Variants in RIC1 observed in about 807,000 individuals in gnomAD.
RIC1 encodes RIC1 partner of RAB6A GEF complex, also known as guanine nucleotide exchange factor subunit RIC1.
A neutral mutation model predicts 169.0 loss-of-function variants in RIC1; 88 were observed. The observed-to-expected ratio is 0.52, with a 90% CI of 0.44 to 0.62. The LOEUF (loss-of-function observed/expected upper bound fraction) is 0.62. Among genes scored for constraint, RIC1 ranks in the 20% least tolerant of loss-of-function variants. The pLI is 0.00. For synonymous variants in RIC1, 790 were observed against 601.5 expected (o/e 1.31, Z -4.59); for missense variants, 1,877 against 1,725.5 (o/e 1.09, Z -1.56).
At chr9:5,687,620 C>G (rs1044045010) in intron 2 of RIC1, among the ~76,000 whole-genome samples, 2 of 152,010 alleles carry the variant, frequency 1.3e-5, no homozygotes, top group Non-Finnish European at 2.9e-5. Context: ...TATTTGTGGG[C>G]TTTCCAGAAT....
chr9:5,656,060 C>T (rs1323506670), intron 1 of RIC1, among the ~76,000 whole-genome samples: 1 of 151,908 alleles, frequency 6.6e-6, no homozygotes, highest in African/African-American at 2.4e-5. Flanking sequence ...TTAGTAGAAA[C>T]GGGGTTTCAC....
In RIC1 at chr9:5,732,422, A is replaced by G. The variant is rs1440979230; in HGVS notation, c.755A>G (p.Asp252Gly). Residue 252 changes from aspartate to glycine, a missense_variant, in exon 7 of 26, where the codon GAC becomes GGC. By Grantham distance (94) the Asp-to-Gly change is moderately conservative (BLOSUM62 -1). Transcript: ENST00000414202. ...GGAGTTTGGCCACAAGATGTTGTTGACGGAACGTGTGTAGCAGTAAATAAC... is the reference window on the plus strand; with the variant it reads ...GGAGTTTGGCCACAAGATGTTGTTGGCGGAACGTGTGTAGCAGTAAATAAC... ...LHGVWPQDVV[D>G]GTCVAVNNKY... The G allele has an allele frequency of 6.2e-7, 1 of 1,611,744 alleles. No homozygotes were observed. Among genetic ancestry groups the G allele is most frequent in the Non-Finnish European group, 8.5e-7 (1 of 1,178,930 alleles).
Position 5,763,265 on chromosome 9 carries a change from G to C in RIC1, c.2238G>C (p.Met746Ile). ...ALWLSCGGAG[M>I]KVWLPLFPRD... is the part of the protein sequence containing the mutation. ...GGCTGAGCTGTGGTGGTGCAGGGAT[G>C]AAAGTTTGGCTCCCTCTCTTCCCTA... The change falls in exon 19 of 26, where the codon ATG (methionine) becomes ATC (isoleucine). Residue 746 changes from methionine to isoleucine, a missense_variant. Physicochemically the swap from Met to Ile is conservative, Grantham distance 10 (BLOSUM62 1). Around this residue, in one of 3 missense-constraint regions of RIC1, gnomAD observed 1,104 missense variants for 992.0 expected, o/e 1.11. Transcript: ENST00000414202. This position sits in a 1 kb window ranked among gnomAD's most constrained non-coding sequence, Gnocchi z 5.2. 2.5e-6 allele frequency: 4 copies of C among 1,614,148 alleles called. No homozygotes were observed. Among genetic ancestry groups the C allele is most frequent in the Non-Finnish European group, 3.4e-6 (4 of 1,180,016 alleles).
chr9:5,666,148 C>G (rs535408437), intron 2 of RIC1, among the ~76,000 whole-genome samples: 2 of 152,298 alleles, frequency 1.3e-5, no homozygotes, highest in South Asian at 4.1e-4. Flanking sequence ...GGAAGACCCA[C>G]TACCCCATGA....
At chr9:5,677,747 G>A (rs1295869318) in intron 2 of RIC1, among the ~76,000 whole-genome samples, 1 of 151,502 alleles carries the variant, frequency 6.6e-6, no homozygotes. Flanking sequence ...TAGATATAAG[G>A]GTTATTTTTA....
chr9:5,672,756 T>G (rs992931131), intron 2 of RIC1, among the ~76,000 whole-genome samples: 1 of 152,166 alleles, frequency 6.6e-6, no homozygotes, highest in Non-Finnish European at 1.5e-5. Flanking sequence ...GGAAAAAGTT[T>G]AATGAAAAAA....
chr9:5,724,909 A>G (rs562795347), intron 6 of RIC1, among the ~76,000 whole-genome samples: 13 of 152,278 alleles, frequency 8.5e-5, no homozygotes, highest in Admixed American at 2.6e-4. Flanking sequence ...GATGAAGCCA[A>G]CTTGATAGTG....
chr9:5,653,384 C>A (rs1818913732), intron 1 of RIC1, among the ~76,000 whole-genome samples: 1 of 152,172 alleles, frequency 6.6e-6, no homozygotes, highest in South Asian at 2.1e-4. Flanking sequence ...ACATTGTCTT[C>A]TCCAGTATTA....
intron 4 of RIC1, among the ~76,000 whole-genome samples, chr9:5,718,083 T>G (rs1587009112): frequency 7.9e-6 from 1 of 126,540 alleles, no homozygotes; most frequent in Admixed American, 1.1e-4. Flanking sequence ...GAGGTTGCAG[T>G]GAGCTGAGAT....
In RIC1 at chr9:5,724,040, A is replaced by G. The variant is rs190814610; in HGVS notation, c.720+3290A>G. Among the ~76,000 whole-genome samples, 329 of 152,112 alleles carry G rather than the reference A, an allele frequency of 2.2e-3. 1 individual carries two copies. The highest frequency in any genetic ancestry group is 4.2e-3 in the Non-Finnish European group (286 of 67,968). Reference sequence around the variant, plus strand: ...TGGCTTAGGATTGTCTTCGCAATGCAGGCTGTTTTTTGGTTCCATATGAAC... The same window carrying G: ...TGGCTTAGGATTGTCTTCGCAATGCGGGCTGTTTTTTGGTTCCATATGAAC... On this transcript the variant is annotated intron_variant, in intron 6 of 25. Transcript: ENST00000414202.
chr9:5,649,628 G>T (rs1488505756), intron 1 of RIC1, among the ~76,000 whole-genome samples: 5 of 151,702 alleles, frequency 3.3e-5, no homozygotes, highest in African/African-American at 1.2e-4. Context: ...ATCTCACTGA[G>T]TGTCTTTAGT....
intron 1 of RIC1, among the ~76,000 whole-genome samples, chr9:5,630,110 C>G (rs1817647773): frequency 6.6e-6 from 1 of 152,152 alleles, no homozygotes; most frequent in Admixed American, 6.5e-5. Context: ...AATCTGTCCG[C>G]GGAACTCCCA....
intron 6 of RIC1, among the ~76,000 whole-genome samples, chr9:5,721,551 A>C (rs138727693): frequency 2.0e-4 from 30 of 152,286 alleles, no homozygotes; most frequent in African/African-American, 6.7e-4. Flanking sequence ...ATTCAGAAAG[A>C]ATCACTCAGG....
chr9:5,637,029 A>C (rs1360069108), intron 1 of RIC1, among the ~76,000 whole-genome samples: 1 of 152,040 alleles, frequency 6.6e-6, no homozygotes, highest in Non-Finnish European at 1.5e-5. Context: ...TTTTGTGAGA[A>C]CACAGTAGGT....
At chr9:5,703,324 ATT>A (rs1429770926) in intron 3 of RIC1, among the ~76,000 whole-genome samples, 2 of 152,228 alleles carry the variant, frequency 1.3e-5, no homozygotes, top group Non-Finnish European at 2.9e-5. Flanking sequence ...GCAGTCATTA[ATT>A]CTTAAAGCTC....
At chr9:5,658,371 C>T (rs905276400) in intron 2 of RIC1, among the ~76,000 whole-genome samples, 4 of 152,020 alleles carry the variant, frequency 2.6e-5, no homozygotes, top group Non-Finnish European at 5.9e-5. Context: ...CAGAACAGCT[C>T]ACCACAAAAT....
intron 2 of RIC1, among the ~76,000 whole-genome samples, chr9:5,673,744 A>G (rs1166762568): frequency 6.6e-6 from 1 of 151,856 alleles, no homozygotes; most frequent in Non-Finnish European, 1.5e-5. Flanking sequence ...TTGCATGGTA[A>G]TGTGTAAATT....
chr9:5,699,287 T>C (rs936910413), intron 3 of RIC1, among the ~76,000 whole-genome samples: 1 of 152,186 alleles, frequency 6.6e-6, no homozygotes, highest in Non-Finnish European at 1.5e-5. Flanking sequence ...TGAATCAGCA[T>C]CTGCATGGCC....
intron 8 of RIC1, 146 bp downstream of exon 8, chr9:5,738,684 T>G: frequency 2.2e-6 from 1 of 458,802 alleles, no homozygotes; most frequent in Non-Finnish European, 3.8e-6. Context: ...GGCTCAAGTC[T>G]GGAAATTGAT....
Sources: gnomAD v4.1 joint callset for allele counts (sites outside exome capture counted in the v4.1 genomes callset) on GRCh38, gnomAD v4.1.1 for gene constraint, gnomAD v4.1.1 regional missense constraint, Gnocchi (gnomAD v3.1) non-coding constraint, MANE v1.5 for transcripts, NCBI Gene and HGNC (gene_info 2026-07-23, HGNC 2026-07-21) for gene names.